The following CTTN variants were observed in gnomAD, a reference collection of about 807,000 sequenced individuals.
CTTN encodes the protein src substrate cortactin.
CTTN carries 28 observed loss-of-function variants against 84.0 expected under a neutral mutation model. The ratio of observed to expected loss-of-function variants is 0.33; its 90% CI spans 0.25 to 0.46. The LOEUF is 0.46. Among genes scored for constraint, CTTN ranks in the 20% least tolerant of loss-of-function variants. CTTN has a pLI of 1.00. For missense variants in CTTN, 641 were observed against 723.8 expected (o/e 0.89, Z 1.31); for synonymous variants, 301 against 288.8 (o/e 1.04, Z -0.43).
chr11:70,409,892 G>A lies in CTTN; in HGVS notation c.223G>A (p.Glu75Lys). 6.2e-7 allele frequency: 1 copy of A among 1,614,102 alleles called. No individual in the cohort carries two copies. Among genetic ancestry groups the A allele is most frequent in the South Asian group, 1.1e-5 (1 of 91,080 alleles). Reference sequence around the variant, plus strand: ...TCAGACCCTTAAGGAGAAGGAACTTGAAACAGGACCAAAAGCTTCCCATGG... The same window carrying A: ...TCAGACCCTTAAGGAGAAGGAACTTAAAACAGGACCAAAAGCTTCCCATGG... The part of the protein sequence containing the change: ...EHQTLKEKEL[E>K]TGPKASHGYG... The change falls in exon 5 of 18, where the codon GAA becomes AAA. Residue 75 changes from glutamate (E) to lysine (K), a missense_variant. This residue lies in a region of CTTN where 284 missense variants were observed against 348.4 expected (regional missense o/e 0.82). Transcript: ENST00000301843.
At chr11:70,426,281 G>A (rs1433520696) in intron 13 of CTTN, among the ~76,000 whole-genome samples, 1 of 151,978 alleles carries the variant, frequency 6.6e-6, no homozygotes, top group African/African-American at 2.4e-5. Flanking sequence ...CATGGTGGCG[G>A]GCGCCTGTAG....
intron 8 of CTTN, among the ~76,000 whole-genome samples, chr11:70,418,248 TGGCC>T: frequency 6.6e-6 from 1 of 152,258 alleles, no homozygotes; most frequent in Non-Finnish European, 1.5e-5. Flanking sequence ...TGTCGCGGCC[TGGCC>T]TGGCCTTGCC....
intron 13 of CTTN, among the ~76,000 whole-genome samples, chr11:70,426,290 AG>A (rs2058299690): frequency 6.6e-6 from 1 of 151,946 alleles, no homozygotes; most frequent in Admixed American, 6.6e-5. Flanking sequence ...GGGCGCCTGT[AG>A]TCCCAGCTAC....
Position 70,436,377 on chromosome 11 carries a change from G to A in CTTN, c.*1215G>A. On this transcript the variant is annotated 3_prime_UTR_variant, in exon 18 of 18. Transcript: ENST00000301843. Reference sequence around the variant, plus strand: ...TCTTTCCAGAAGGTCACGTGGAAATGTCTCGGGACTTGGGTCCCGGAGTGC... The same window carrying A: ...TCTTTCCAGAAGGTCACGTGGAAATATCTCGGGACTTGGGTCCCGGAGTGC... 6.3e-7 allele frequency: 1 copy of A among 1,598,426 alleles called. No homozygotes were observed. The highest frequency in any genetic ancestry group is 8.5e-7 in the Non-Finnish European group (1 of 1,179,810).
In CTTN at chr11:70,422,587, G is replaced by A. The variant is rs910957411; in HGVS notation, c.902-353G>A. ...ACAGGAAGCAGATGAGAATAAGCCC[G>A]TGCTGGTGCGGAAGACTGTGCTATT... On this transcript the variant is annotated intron_variant, in intron 11 of 17. Transcript: ENST00000301843. The A allele has an allele frequency of 7.6e-6, 10 of 1,313,088 alleles. No homozygotes were observed. The East Asian group carries it at 2.0e-4, about 26-fold the overall frequency. The allele number at this position is 1,313,088 out of a possible 1,614,324, so 81.3% of individuals were successfully genotyped here.
rs569441689 is a variant in CTTN at position 70,413,176 on chromosome 11, C to T, written c.292-1366C>T. Among the ~76,000 whole-genome samples, 3 of 152,352 alleles carry T rather than the reference C, an allele frequency of 2.0e-5. 1 individual carries two copies. In the South Asian group the frequency reaches 6.2e-4, roughly 32 times the overall value. On this transcript the variant is annotated intron_variant, in intron 5 of 17. Transcript: ENST00000301843. ...CTTTTTCAATAGGGGAAATAGTGGA[C>T]ACTCTCTGAGTTGCCTGCTGCGTCA...
intron 8 of CTTN, among the ~76,000 whole-genome samples, chr11:70,417,934 C>T (rs1684335872): frequency 6.6e-6 from 1 of 152,162 alleles, no homozygotes; most frequent in Non-Finnish European, 1.5e-5. Flanking sequence ...CCAAGTTGTC[C>T]TTGGAGGCTG....
At chr11:70,417,769 T>G (rs968130845) in intron 8 of CTTN, among the ~76,000 whole-genome samples, 1 of 152,238 alleles carries the variant, frequency 6.6e-6, no homozygotes, top group Non-Finnish European at 1.5e-5. Flanking sequence ...GTGCTGGGAT[T>G]ACAGGTGTGA....
At chr11:70,432,346 C>A (rs889397054) in intron 15 of CTTN, among the ~76,000 whole-genome samples, 1 of 152,196 alleles carries the variant, frequency 6.6e-6, no homozygotes, top group African/African-American at 2.4e-5. Flanking sequence ...AGGGTGGAGT[C>A]GCTCTCCCTG....
At chr11:70,421,934 C>T (rs750455754) in intron 11 of CTTN, 1 of 258,602 alleles carries the variant, frequency 3.9e-6, no homozygotes, top group Non-Finnish European at 7.5e-6. Flanking sequence ...CTGCCGTGAG[C>T]CACTGAGTCA....
intron 11 of CTTN, chr11:70,422,529 G>C: frequency 7.7e-7 from 1 of 1,293,044 alleles, no homozygotes; most frequent in South Asian, 1.2e-5. Flanking sequence ...AACTGCGATT[G>C]AGCCTCTTTT....
At chr11:70,411,234 G>A (rs12577330) in intron 5 of CTTN, among the ~76,000 whole-genome samples, 25,157 of 140,188 alleles carry the variant, frequency 0.18, 1,528 homozygotes, top group Admixed American at 0.24. Flanking sequence ...CGAGCGAAGC[G>A]TGTGCACACG....
In CTTN at chr11:70,407,482, C is replaced by A. The variant is rs562549352; in HGVS notation, c.88-36C>A. 758 of 1,612,682 alleles carry A rather than the reference C, an allele frequency of 4.7e-4. 4 individuals carry two copies. In the African/African-American group the frequency reaches 9.2e-3, roughly 20 times the overall value. On this transcript the variant is annotated intron_variant, in intron 3 of 17. Coordinates refer to ENST00000301843, the MANE Select transcript of CTTN (RefSeq NM_005231.4). ...GTGGTGGTTTGTCTGTGTCACAATC[C>A]AGGCTGTGAGATTTACTGGTCGCTT...
intron 13 of CTTN, among the ~76,000 whole-genome samples, chr11:70,428,772 G>T (rs1293494638): frequency 6.6e-6 from 1 of 152,248 alleles, no homozygotes; most frequent in Non-Finnish European, 1.5e-5. Context: ...ATTTAAAAAG[G>T]TGAGTGTGGT....
chr11:70,434,996 C>T (rs772704966), intron 17 of CTTN, 30 bp from the exon 18 acceptor site: 1 of 1,612,020 alleles, frequency 6.2e-7, no homozygotes, highest in Non-Finnish European at 8.5e-7. Context: ...GCTTGCACTT[C>T]AGCATCTTTC....
intron 7 of CTTN, 191 bp from the exon 8 acceptor site, chr11:70,416,822 C>A (rs955271276): frequency 1.6e-5 from 9 of 577,162 alleles, no homozygotes; most frequent in Admixed American, 5.7e-5. Flanking sequence ...CCAGAACCCC[C>A]CCATGCACCT....
At chr11:70,430,547 C>T (rs2058343527) in intron 14 of CTTN, among the ~76,000 whole-genome samples, 1 of 152,236 alleles carries the variant, frequency 6.6e-6, no homozygotes, top group African/African-American at 2.4e-5. Context: ...TGGGTCCACC[C>T]AGGCAGTCCA....
intron 5 of CTTN, among the ~76,000 whole-genome samples, chr11:70,414,261 C>T (rs951731588): frequency 2.0e-5 from 3 of 151,720 alleles, no homozygotes; most frequent in South Asian, 2.1e-4. Flanking sequence ...AGGAGAATGG[C>T]GTGAACCTGG....
At chr11:70,423,144 G>A (rs561422362) in intron 12 of CTTN, 149 bp downstream of exon 12, 84 of 985,888 alleles carry the variant, frequency 8.5e-5, no homozygotes, top group African/African-American at 5.7e-4. Context: ...TGACTGACTC[G>A]GACAGTCTTG....
Sources: gnomAD v4.1 joint callset for allele counts (sites outside exome capture counted in the v4.1 genomes callset) on GRCh38, gnomAD v4.1.1 for gene constraint, gnomAD v4.1.1 regional missense constraint, MANE v1.5 for transcripts, NCBI Gene and HGNC (gene_info 2026-07-23, HGNC 2026-07-21) for gene names.